Variants in HABP2 observed in about 807,000 individuals in gnomAD.
HABP2 encodes the protein factor VII-activating protease.
In HABP2, 65 loss-of-function variants were observed where a neutral mutation model predicts 66.5. The ratio of observed to expected loss-of-function variants is 0.98; its 90% CI spans 0.80 to 1.20. HABP2 has a LOEUF of 1.20. Ranked by LOEUF, HABP2 falls within the 50% of genes most tolerant of loss-of-function variation. The probability of loss-of-function intolerance (pLI) is 0.00; values close to 1 mark genes in which losing one functional copy is unlikely to be tolerated. For missense variants in HABP2, 786 were observed against 691.0 expected (o/e 1.14, Z -1.54); for synonymous variants, 263 against 253.9 (o/e 1.04, Z -0.34).
upstream of HABP2, among the ~76,000 whole-genome samples, chr10:113,552,553 G>A (rs1844916919): frequency 6.6e-6 from 1 of 152,176 alleles, no homozygotes; most frequent in South Asian, 2.1e-4. Flanking sequence ...AAGCCAACAA[G>A]CAACTGTGGG....
chr10:113,565,909 G>A (rs1845189481), intron 1 of HABP2, among the ~76,000 whole-genome samples: 2 of 152,186 alleles, frequency 1.3e-5, no homozygotes, highest in South Asian at 4.1e-4. Flanking sequence ...TGTTCCTCAT[G>A]AGTAAATTCA....
chr10:113,558,934 A>G (rs11196373), intron 1 of HABP2, among the ~76,000 whole-genome samples: 17,625 of 152,006 alleles, frequency 0.12, 1,093 homozygotes, highest in Middle Eastern at 0.14. Flanking sequence ...GGCTCAATGC[A>G]ACCTCTGCCT....
Position 113,580,662 on chromosome 10 carries a change from T to C in HABP2, c.808T>C (p.Tyr270His), listed in dbSNP as rs1198336529. 1 of 1,594,916 alleles carries C rather than the reference T, an allele frequency of 6.3e-7. No individual in the cohort carries two copies. Among genetic ancestry groups the C allele is most frequent in the African/African-American group, 1.3e-5 (1 of 74,504 alleles). ...TACCAATGACAAGGTGAAATGGGAA[T>C]ACTGTGATGTCTCAGCCTGCTCAGC... ...KVTNDKVKWE[Y>H]CDVSACSAQD... The change falls in exon 8 of 13, where the codon TAC becomes CAC. Residue 270 changes from tyrosine (Y) to histidine (H), a missense_variant. Coordinates refer to ENST00000351270, the MANE Select transcript of HABP2 (RefSeq NM_004132.5).
At chr10:113,558,861 T>G (rs369049453) in intron 1 of HABP2, among the ~76,000 whole-genome samples, 16 of 152,256 alleles carry the variant, frequency 1.1e-4, no homozygotes, top group East Asian at 7.7e-4. Flanking sequence ...TGTCTTAATT[T>G]TTTTTTTTTC....
At position 113,558,199 on chromosome 10, in the gene HABP2, C is replaced by T. The variant is rs557848798; in HGVS notation, c.69+5009C>T. ...CTTTGCTTTCCGACACCACAAGGAT[C>T]GAGTCTTGCCGGCTAGCAAACCAGT... is the stretch of plus-strand genomic sequence containing the variant. On this transcript the variant is annotated intron_variant, in intron 1 of 12. Transcript: ENST00000351270. Among the ~76,000 whole-genome samples, 5 of 152,346 alleles carry T rather than the reference C, an allele frequency of 3.3e-5. No individual in the cohort carries two copies. In the South Asian group the frequency reaches 8.3e-4, roughly 25 times the overall value.
intron 2 of HABP2, among the ~76,000 whole-genome samples, chr10:113,568,033 C>T (rs751130781): frequency 7.2e-5 from 11 of 152,252 alleles, no homozygotes; most frequent in Non-Finnish European, 8.8e-5. Flanking sequence ...TCAGGCTCGA[C>T]GCGTCTACCA....
At chr10:113,562,763 TA>T (rs1358582365) in intron 1 of HABP2, among the ~76,000 whole-genome samples, 1 of 152,226 alleles carries the variant, frequency 6.6e-6, no homozygotes, top group Non-Finnish European at 1.5e-5. Context: ...AGCCTTTTTA[TA>T]AAGCATTCCA....
At chr10:113,555,350 G>A (rs1844972875) in intron 1 of HABP2, among the ~76,000 whole-genome samples, 1 of 152,178 alleles carries the variant, frequency 6.6e-6, no homozygotes, top group African/African-American at 2.4e-5. Context: ...CCCTGGGTGA[G>A]GATGAGATTT....
chr10:113,555,712 T>C (rs576554389), intron 1 of HABP2, among the ~76,000 whole-genome samples: 2 of 152,294 alleles, frequency 1.3e-5, no homozygotes, highest in African/African-American at 4.8e-5. Context: ...TCCTAACATA[T>C]CATTTTTGAG....
At chr10:113,570,271 A>T (rs1168962271) in intron 2 of HABP2, 1 of 152,258 alleles carries the variant, frequency 6.6e-6, no homozygotes, top group Non-Finnish European at 1.5e-5. Flanking sequence ...ATTGTGGGCA[A>T]CCACATTTAT....
chr10:113,577,883 T>C (rs1845440909), intron 5 of HABP2, 143 bp from the exon 6 acceptor site: 1 of 877,634 alleles, frequency 1.1e-6, no homozygotes, highest in Admixed American at 2.2e-5. Flanking sequence ...AGAGTGTCAG[T>C]GGATCTGTCT....
intron 1 of HABP2, among the ~76,000 whole-genome samples, chr10:113,561,547 G>A (rs1845100371): frequency 6.6e-6 from 1 of 152,056 alleles, no homozygotes; most frequent in African/African-American, 2.4e-5. Flanking sequence ...GCAACATGTG[G>A]CCTACCACCA....
At position 113,589,403 on chromosome 10, in the gene HABP2, CG is replaced by C; in HGVS notation, c.*1037del. ...CAGCACAGCCTGGGCTGCCCTGGCC[CG>C]GGATTGATGTAGCCCCGGTAGGTTT... On this transcript the variant is annotated 3_prime_UTR_variant, in exon 13 of 13. Coordinates refer to ENST00000351270, the MANE Select transcript of HABP2 (RefSeq NM_004132.5). The C allele has an allele frequency of 1.7e-6, 1 of 577,114 alleles. No individual in the cohort carries two copies. Among genetic ancestry groups the C allele is most frequent in the South Asian group, 2.2e-5 (1 of 44,460 alleles). 35.7% of individuals were successfully genotyped at this position (577,114 alleles called of 1,614,324 possible).
At chr10:113,556,534 C>T (rs1464121502) in intron 1 of HABP2, among the ~76,000 whole-genome samples, 1 of 152,054 alleles carries the variant, frequency 6.6e-6, no homozygotes, top group South Asian at 2.1e-4. Flanking sequence ...CATAGCAAGA[C>T]TCTGTCTCTA....
At chr10:113,585,593 A>G (rs900683566) in intron 11 of HABP2, among the ~76,000 whole-genome samples, 200 bp from the exon 12 acceptor site, 1 of 152,176 alleles carries the variant, frequency 6.6e-6, no homozygotes, top group Non-Finnish European at 1.5e-5. Context: ...TGGTCCATGT[A>G]TCATGACCAG....
intron 4 of HABP2, 39 bp from the exon 5 acceptor site, chr10:113,577,111 G>A: frequency 1.8e-6 from 2 of 1,113,168 alleles, no homozygotes. Flanking sequence ...TAAGGAAAAT[G>A]TGCCCCAAAT....
chr10:113,572,481 T>C (rs10749135), intron 2 of HABP2, among the ~76,000 whole-genome samples: 87,993 of 152,138 alleles, frequency 0.58, 26,233 homozygotes, highest in Admixed American at 0.65. Context: ...TCTATAAACA[T>C]CTGTTGGAAA....
intron 2 of HABP2, among the ~76,000 whole-genome samples, chr10:113,567,908 G>A (rs146557871): frequency 6.6e-6 from 1 of 152,356 alleles, no homozygotes; most frequent in East Asian, 1.9e-4. Flanking sequence ...CATGGCTCCA[G>A]GCAGGCCGCT....
intron 10 of HABP2, 117 bp from the exon 11 acceptor site, chr10:113,584,031 G>C: frequency 1.3e-6 from 1 of 762,424 alleles, no homozygotes. Flanking sequence ...AAGATTTTCA[G>C]GCATGGTGGG....
Sources: allele counts gnomAD v4.1 joint callset (sites outside exome capture counted in the v4.1 genomes callset), GRCh38; gene constraint gnomAD v4.1.1; transcripts MANE v1.5; gene names NCBI Gene and HGNC (gene_info 2026-07-23, HGNC 2026-07-21).